The following DENND4C variants were observed in gnomAD, a reference collection of about 807,000 sequenced individuals.
DENND4C encodes the protein DENN domain containing 4C.
DENND4C carries 108 observed loss-of-function variants against 203.0 expected under a neutral mutation model. The observed-to-expected ratio is 0.53, with a 90% CI of 0.46 to 0.62. The LOEUF is 0.62. DENND4C is among the 20% of genes least tolerant of loss of function. The pLI is 0.00. For synonymous variants in DENND4C, 871 were observed against 792.4 expected (o/e 1.10, Z -1.67); for missense variants, 2,481 against 2,301.2 (o/e 1.08, Z -1.60).
chr9:19,312,646 A>G (rs2131493446), intron 10 of DENND4C, among the ~76,000 whole-genome samples: 1 of 152,310 alleles, frequency 6.6e-6, no homozygotes, highest in East Asian at 1.9e-4. Context: ...TGATCATACT[A>G]AAGTTTTAAA....
upstream of DENND4C, chr9:19,230,626 T>TCCGGCCATCGCC (rs1820263624): frequency 6.6e-6 from 1 of 151,998 alleles, no homozygotes; most frequent in African/African-American, 2.4e-5. Flanking sequence ...GGGCCAGCGC[T>TCCGGCCATCGCC]CCGGCCATCG....
At chr9:19,362,075 A>T (rs1046144984) in intron 30 of DENND4C, 112 bp downstream of exon 30, 8 of 588,224 alleles carry the variant, frequency 1.4e-5, no homozygotes, top group Non-Finnish European at 2.4e-5. Context: ...GGAGTTGGAG[A>T]CCAGGCTGGC....
chr9:19,350,720 T>C lies in DENND4C; in HGVS notation c.4336T>C (p.Tyr1446His), dbSNP rs764140442. The change falls in exon 24 of 33, where the codon TAC (tyrosine) becomes CAC (histidine). Residue 1446 changes from tyrosine (Y) to histidine (H), a missense_variant. Transcript: ENST00000434457. ...SDDEEETNRD[Y>H]SFPAGLEDHI... is the part of the protein sequence containing the mutation. Reference sequence around the variant, plus strand: ...ATTAAAGGAAGAAACTAATAGAGACTACAGCTTCCCAGCTGGCCTAGAAGA... The same window carrying C: ...ATTAAAGGAAGAAACTAATAGAGACCACAGCTTCCCAGCTGGCCTAGAAGA... 2.0e-5 allele frequency: 33 copies of C among 1,613,044 alleles called. No individual in the cohort carries two copies. In the South Asian group the frequency reaches 3.6e-4, roughly 18 times the overall value.
At chr9:19,315,133 C>G (rs578046237) in intron 10 of DENND4C, among the ~76,000 whole-genome samples, 2 of 135,200 alleles carry the variant, frequency 1.5e-5, no homozygotes, top group African/African-American at 5.6e-5. Context: ...GCACTCCAGC[C>G]TGGACGACAG....
intron 17 of DENND4C, 76 bp downstream of exon 17, chr9:19,332,260 G>C: frequency 7.8e-7 from 1 of 1,275,192 alleles, no homozygotes; most frequent in Non-Finnish European, 1.1e-6. Context: ...GGTGTAAGTT[G>C]CTTTAAAGTG....
rs762845556 is a variant in DENND4C at position 19,350,780 on chromosome 9, A to G, written c.4396A>G (p.Ser1466Gly). The G allele has an allele frequency of 8.1e-6, 13 of 1,614,100 alleles. No homozygotes were observed. Among genetic ancestry groups the G allele is most frequent in the South Asian group, 2.2e-5 (2 of 91,076 alleles). ...GGGGGAGAATATATCGCCTAACACA[A>G]GTATCTCAGGGTTGGTCCCCAGTGA... ...ILGENISPNT[S>G]ISGLVPSELT... The change falls in exon 24 of 33, where the codon AGT becomes GGT. Residue 1466 changes from serine to glycine, a missense_variant. Physicochemically the swap from Ser to Gly is moderately conservative, Grantham distance 56. This residue lies in a region of DENND4C where 2,289 missense variants were observed against 2,113.3 expected (regional missense o/e 1.08). Transcript: ENST00000434457.
At chr9:19,283,466 T>C (rs953960229) in intron 2 of DENND4C, among the ~76,000 whole-genome samples, 3 of 152,088 alleles carry the variant, frequency 2.0e-5, no homozygotes, top group African/African-American at 7.2e-5. Flanking sequence ...TGATAAGAAT[T>C]TCTCAGCTCC....
rs1337568445 is a variant in DENND4C, at chr9:19,373,674, A to G, written c.*1501A>G. 2 of 152,622 alleles carry G rather than the reference A, an allele frequency of 1.3e-5. No individual in the cohort carries two copies. The highest frequency in any genetic ancestry group is 2.9e-5 in the Non-Finnish European group (2 of 68,024). The allele number at this position is 152,622 out of a possible 1,614,324, so 9.5% of individuals were successfully genotyped here. On this transcript the variant is annotated 3_prime_UTR_variant, in exon 33 of 33. Transcript: ENST00000434457. ...ACATTTATCATGCCTTTTATTAAAA[A>G]TATCCCTTAGGAACAGTAAGTTTGC...
chr9:19,357,055 C>G lies in DENND4C; in HGVS notation c.4865C>G (p.Pro1622Arg), dbSNP rs1825591959. The G allele has an allele frequency of 3.7e-6, 6 of 1,613,950 alleles. No homozygotes were observed. Among genetic ancestry groups the G allele is most frequent in the Non-Finnish European group, 4.2e-6 (5 of 1,179,894 alleles). The change falls in exon 27 of 33, where the codon CCT becomes CGT. Residue 1622 changes from proline to arginine, a missense_variant. By Grantham distance (103) the Pro-to-Arg change is moderately radical. This residue lies in a region of DENND4C where 2,289 missense variants were observed against 2,113.3 expected (regional missense o/e 1.08). Coordinates refer to ENST00000434457, the MANE Select transcript of DENND4C (RefSeq NM_001330640.2). ...PLANESLEHK[P>R]VSSLAEPDLI... ...GCAAATGAATCCTTGGAGCACAAAC[C>G]TGTATCCAGTTTAGCAGAACCTGAC...
Position 19,372,198 on chromosome 9 carries a change from A to C in DENND4C, c.*25A>C. On this transcript the variant is annotated 3_prime_UTR_variant, in exon 33 of 33. Coordinates refer to ENST00000434457, the MANE Select transcript of DENND4C (RefSeq NM_001330640.2). Reference sequence around the variant, plus strand: ...AATAGAGATTCACTAGAATGTTGACACACAAGGCTTGGGGATTAGATTTCA... The same window carrying C: ...AATAGAGATTCACTAGAATGTTGACCCACAAGGCTTGGGGATTAGATTTCA... 4 of 1,595,276 alleles carry C rather than the reference A, an allele frequency of 2.5e-6. No homozygotes were observed. The highest frequency in any genetic ancestry group is 3.4e-6 in the Non-Finnish European group (4 of 1,171,340).
chr9:19,305,910 T>G (rs769497924), intron 10 of DENND4C, among the ~76,000 whole-genome samples: 1 of 152,242 alleles, frequency 6.6e-6, no homozygotes, highest in Non-Finnish European at 1.5e-5. Context: ...GAGATAAAGT[T>G]TGGCTACAGT....
Position 19,360,244 on chromosome 9 carries a change from G to A in DENND4C, c.5161G>A (p.Asp1721Asn), listed in dbSNP as rs780206266. The A allele has an allele frequency of 2.5e-6, 4 of 1,608,690 alleles. No homozygotes were observed. The highest frequency in any genetic ancestry group is 3.4e-5 in the Admixed American group (2 of 58,528). The change falls in exon 29 of 33, where the codon GAT (aspartate) becomes AAT (asparagine). Residue 1721 changes from aspartate to asparagine, a missense_variant and splice_region_variant. This residue lies in a region of DENND4C where 2,289 missense variants were observed against 2,113.3 expected (regional missense o/e 1.08). Transcript: ENST00000434457. ...SLPNSLQEVV[D>N]PLGKRPNPPP... is the part of the protein sequence containing the mutation. ...AATTTCTTTTTGTATTTTTTTTAAG[G>A]ATCCTTTAGGAAAAAGACCCAATCC...
chr9:19,350,178 T>C (rs1331455363), intron 23 of DENND4C, among the ~76,000 whole-genome samples: 1 of 152,222 alleles, frequency 6.6e-6, no homozygotes, highest in Non-Finnish European at 1.5e-5. Flanking sequence ...AATATTGATA[T>C]TTGTTATTCT....
rs560679541 is a variant in DENND4C at position 19,346,849 on chromosome 9, G to T, written c.4080G>T (p.Lys1360Asn). Residue 1360 changes from lysine to asparagine, a missense_variant, in exon 23 of 33, where the codon AAG becomes AAT. Lys to Asn is a moderately conservative substitution (Grantham distance 94). This residue lies in a region of DENND4C where 2,289 missense variants were observed against 2,113.3 expected (regional missense o/e 1.08). Transcript: ENST00000434457. ...SRSKTFTGRF[K>N]QQTPSRTHKE... ...CTAAAACTTTTACTGGGCGTTTCAA[G>T]CAGCAAACCCCCTCTCGAACTCATA... 3 of 1,614,234 alleles carry T rather than the reference G, an allele frequency of 1.9e-6. No individual in the cohort carries two copies. The highest frequency in any genetic ancestry group is 4.5e-5 in the East Asian group (2 of 44,890).
chr9:19,327,303 G>GT (rs1360395417), intron 15 of DENND4C, among the ~76,000 whole-genome samples: 1 of 151,984 alleles, frequency 6.6e-6, no homozygotes, highest in Admixed American at 6.5e-5. Context: ...ATATGTTATG[G>GT]TTTTTTGCAT....
intron 31 of DENND4C, among the ~76,000 whole-genome samples, chr9:19,370,626 T>C (rs1828639666): frequency 6.6e-6 from 1 of 152,192 alleles, no homozygotes; most frequent in South Asian, 2.1e-4. Flanking sequence ...CCCACACATC[T>C]TTTCTTTTGT....
intron 1 of DENND4C, among the ~76,000 whole-genome samples, chr9:19,266,106 C>T (rs1830442670): frequency 6.6e-6 from 1 of 152,208 alleles, no homozygotes; most frequent in South Asian, 2.1e-4. Flanking sequence ...TCCACATCCT[C>T]TCCAGCACCT....
intron 2 of DENND4C, among the ~76,000 whole-genome samples, chr9:19,281,510 A>G (rs1203824638): frequency 1.3e-5 from 2 of 152,228 alleles, no homozygotes; most frequent in East Asian, 3.8e-4. Flanking sequence ...TAAGTTTAAT[A>G]TGAAACACTG....
Position 19,346,920 on chromosome 9 carries a change from A to T in DENND4C, c.4151A>T (p.His1384Leu), listed in dbSNP as rs754928464. Residue 1384 changes from histidine (H) to leucine (L), a missense_variant, in exon 23 of 33, where the codon CAT (histidine) becomes CTT (leucine). By Grantham distance (99) the His-to-Leu change is moderately conservative (BLOSUM62 -3). Around this residue, in one of 3 missense-constraint regions of DENND4C, gnomAD observed 2,289 missense variants for 2,113.3 expected, o/e 1.08. Coordinates refer to ENST00000434457, the MANE Select transcript of DENND4C (RefSeq NM_001330640.2). ...SLSALVRSSP[H>L]GSLGSVVNSL... ...TCAGCACTGGTGCGTTCTTCGCCAC[A>T]TGGCTCGTTGGGTTCTGTAGTAAAT... 2 of 1,614,070 alleles carry T rather than the reference A, an allele frequency of 1.2e-6. No individual in the cohort carries two copies. Among genetic ancestry groups the T allele is most frequent in the African/African-American group, 1.3e-5 (1 of 74,932 alleles).
Sources: allele counts gnomAD v4.1 joint callset (sites outside exome capture counted in the v4.1 genomes callset), GRCh38; gene constraint gnomAD v4.1.1; regional missense constraint gnomAD v4.1.1; transcripts MANE v1.5; gene names NCBI Gene and HGNC (gene_info 2026-07-23, HGNC 2026-07-21).